Variants in SV2B observed in about 807,000 individuals in gnomAD.
SV2B encodes synaptic vesicle glycoprotein 2B.
SV2B carries 41 observed loss-of-function variants against 73.9 expected under a neutral mutation model. The ratio of observed to expected loss-of-function variants is 0.56; its 90% CI spans 0.43 to 0.72. SV2B has a LOEUF of 0.72. Ranked by LOEUF, SV2B falls within the 30% of genes least tolerant of loss-of-function variation. The pLI, the probability that SV2B is intolerant of heterozygous loss-of-function variation, is 0.00. For synonymous variants in SV2B, 314 were observed against 314.2 expected, an observed-to-expected ratio of 1.00 and a Z score of 0.01; for missense variants, 764 against 857.8, an observed-to-expected ratio of 0.89 and a Z score of 1.37.
chr15:91,117,990 A>G (rs924804890), intron 1 of SV2B, among the ~76,000 whole-genome samples: 1 of 152,210 alleles, frequency 6.6e-6, no homozygotes, highest in Non-Finnish European at 1.5e-5. Flanking sequence ...ATGACTTTCA[A>G]GAGGTATCAA....
At chr15:91,200,958 T>A (rs2045437803) in intron 1 of SV2B, among the ~76,000 whole-genome samples, 1 of 152,168 alleles carries the variant, frequency 6.6e-6, no homozygotes, top group African/African-American at 2.4e-5. Flanking sequence ...CTATTCTCCA[T>A]CTCTTTGTAC....
intron 1 of SV2B, among the ~76,000 whole-genome samples, chr15:91,182,008 C>T (rs2044598026): frequency 6.6e-6 from 1 of 152,036 alleles, no homozygotes; most frequent in Non-Finnish European, 1.5e-5. Flanking sequence ...GACAAGGAGA[C>T]ATTTTGCACT....
At chr15:91,254,303 C>T (rs1410874226) in intron 4 of SV2B, among the ~76,000 whole-genome samples, 1 of 146,020 alleles carries the variant, frequency 6.8e-6, no homozygotes, top group Non-Finnish European at 1.5e-5. Flanking sequence ...GTAGCATGAT[C>T]TCAGTTTACT....
intron 11 of SV2B, among the ~76,000 whole-genome samples, chr15:91,287,003 C>T (rs570352774): frequency 6.6e-6 from 1 of 152,302 alleles, no homozygotes; most frequent in African/African-American, 2.4e-5. Context: ...AGCCAAGCCC[C>T]ATGGCTGGCC....
intron 1 of SV2B, among the ~76,000 whole-genome samples, chr15:91,190,586 T>G (rs1188130219): frequency 2.0e-5 from 3 of 152,204 alleles, no homozygotes; most frequent in Non-Finnish European, 2.9e-5. Flanking sequence ...AATTTTCATT[T>G]TTGTTTCTTC....
Position 91,258,563 on chromosome 15 carries a change from G to A in SV2B, c.918+9G>A. The A allele has an allele frequency of 6.2e-7, 1 of 1,613,324 alleles. No homozygotes were observed. The highest frequency in any genetic ancestry group is 8.5e-7 in the Non-Finnish European group (1 of 1,179,720). ...CAAGGTTTCTGCTAGAGGTGAGTCAGTGCTTTTCCACCAGGGGGAGAGTGA... is the reference window on the plus strand; with the variant it reads ...CAAGGTTTCTGCTAGAGGTGAGTCAATGCTTTTCCACCAGGGGGAGAGTGA... On this transcript the variant is annotated intron_variant, in intron 5 of 12. Coordinates refer to ENST00000394232, the MANE Select transcript of SV2B (RefSeq NM_001323032.3). This position sits in a 1 kb window ranked among gnomAD's most constrained non-coding sequence, Gnocchi z 4.7.
rs766546831 is a variant in SV2B, at chr15:91,258,465, A to T, written c.829A>T (p.Arg277Ter). 6.2e-7 allele frequency: 1 copy of T among 1,614,080 alleles called. No homozygotes were observed. Reference sequence around the variant, plus strand: ...GACCAATTACCACTTCCATAGCTGGAGAGTGTTTGTCATCGTCTGTGCTCT... The same window carrying T: ...GACCAATTACCACTTCCATAGCTGGTGAGTGTTTGTCATCGTCTGTGCTCT... ...MGTNYHFHSWRVFVIVCALPC... is the reference protein window; with the variant it reads ...MGTNYHFHSW Residue 277 changes from arginine to a stop codon, truncating the protein, a stop_gained, in exon 5 of 13, where the codon AGA becomes TGA. Coordinates refer to ENST00000394232, the MANE Select transcript of SV2B (RefSeq NM_001323032.3). LOFTEE classifies it high-confidence loss of function. The surrounding 1 kb of genome is among the most constrained non-coding windows in gnomAD (Gnocchi z 4.7).
chr15:91,164,587 A>T (rs1331928306), intron 1 of SV2B, among the ~76,000 whole-genome samples: 1 of 152,234 alleles, frequency 6.6e-6, no homozygotes, highest in African/African-American at 2.4e-5. Context: ...CTTTACATTA[A>T]CATCTGGATT....
At chr15:91,163,386 T>C (rs2141255516) in intron 1 of SV2B, among the ~76,000 whole-genome samples, 1 of 152,332 alleles carries the variant, frequency 6.6e-6, no homozygotes, top group Non-Finnish European at 1.5e-5. Flanking sequence ...ACCAACAGTG[T>C]AAAAGTGTTC....
In SV2B at chr15:91,122,803, A is replaced by C. The variant is rs918046832; in HGVS notation, c.-392+22440A>C. ...CTCACTGATAAACGGAATCTAAAAA[A>C]GTTGAGCTCATCGAAGTAGAGAGTG... On this transcript the variant is annotated intron_variant, in intron 1 of 12. Coordinates refer to ENST00000394232, the MANE Select transcript of SV2B (RefSeq NM_001323032.3). This position sits in a 1 kb window ranked among gnomAD's most constrained non-coding sequence, Gnocchi z 4.3. 3.3e-5 allele frequency among the ~76,000 whole-genome samples: 5 copies of C among 152,218 alleles called. No homozygotes were observed. Among genetic ancestry groups the C allele is most frequent in the Non-Finnish European group, 7.3e-5 (5 of 68,044 alleles).
At chr15:91,182,703 G>A (rs139689002) in intron 1 of SV2B, among the ~76,000 whole-genome samples, 1 of 152,284 alleles carries the variant, frequency 6.6e-6, no homozygotes, top group Non-Finnish European at 1.5e-5. Flanking sequence ...TGTTCTTATG[G>A]CAGAAGTCAG....
rs907797634 is a variant in SV2B, at chr15:91,267,463, C to A, written c.1120-92C>A. The A allele has an allele frequency of 1.7e-6, 2 of 1,167,256 alleles. No homozygotes were observed. The highest frequency in any genetic ancestry group is 2.0e-5 in the Admixed American group (1 of 50,372). The allele number at this position is 1,167,256 out of a possible 1,614,324, so 72.3% of individuals were successfully genotyped here. ...GTTCTCTCCATGGGTTCCTAGGCAA[C>A]TTATTAGAATATCTGAGTAATGAGC... On this transcript the variant is annotated intron_variant, in intron 7 of 12. Coordinates refer to ENST00000394232, the MANE Select transcript of SV2B (RefSeq NM_001323032.3). The surrounding 1 kb of genome is among the most constrained non-coding windows in gnomAD (Gnocchi z 4.3).
chr15:91,158,842 C>T (rs569250377), intron 1 of SV2B, among the ~76,000 whole-genome samples: 4 of 151,104 alleles, frequency 2.6e-5, no homozygotes. Flanking sequence ...CACAATGTTA[C>T]CCCCAATCTC....
rs928938581 is a variant in SV2B at position 91,300,290 on chromosome 15, A to C, written c.*7738A>C. 6.6e-5 allele frequency: 10 copies of C among 152,256 alleles called. No individual in the cohort carries two copies. Among genetic ancestry groups the C allele is most frequent in the African/African-American group, 2.2e-4 (9 of 41,552 alleles). The allele number at this position is 152,256 out of a possible 1,614,324, so 9.4% of individuals were successfully genotyped here. On this transcript the variant is annotated 3_prime_UTR_variant, in exon 13 of 13. Coordinates refer to ENST00000394232, the MANE Select transcript of SV2B (RefSeq NM_001323032.3). ...AGATTTGGTCTCAGCTTTTTGGTCC[A>C]TCTGAATCCTGGAAGTCCCCAACTC...
At chr15:91,202,611 G>T (rs1375568607) in intron 1 of SV2B, among the ~76,000 whole-genome samples, 2 of 152,216 alleles carry the variant, frequency 1.3e-5, no homozygotes, top group Non-Finnish European at 2.9e-5. Flanking sequence ...TGGTACCTGT[G>T]CTACCTGGGT....
chr15:91,209,349 T>G (rs2045771934), intron 1 of SV2B, among the ~76,000 whole-genome samples: 1 of 152,116 alleles, frequency 6.6e-6, no homozygotes, highest in Non-Finnish European at 1.5e-5. Context: ...CTTGAACTCC[T>G]GACCTCAGGT....
intron 1 of SV2B, among the ~76,000 whole-genome samples, chr15:91,163,370 A>T (rs140720717): frequency 0.011 from 1,709 of 152,330 alleles, 32 homozygotes; most frequent in African/African-American, 0.039. Context: ...ACTAGTTTAC[A>T]GTCCCACCAA....
In SV2B at chr15:91,281,783, T is replaced by C; in HGVS notation, c.1429T>C (p.Cys477Arg). 1 of 1,613,242 alleles carries C rather than the reference T, an allele frequency of 6.2e-7. No homozygotes were observed. Among genetic ancestry groups the C allele is most frequent in the Non-Finnish European group, 8.5e-7 (1 of 1,179,496 alleles). ...VLFEDTFFDE[C>R]YFEDVTSTDT... ...CTTTGAGGACACATTCTTTGACGAGTGCTATTTTGAAGACGTAACATCAAC... is the reference window on the plus strand; with the variant it reads ...CTTTGAGGACACATTCTTTGACGAGCGCTATTTTGAAGACGTAACATCAAC... The change falls in exon 10 of 13, where the codon TGC becomes CGC. Residue 477 changes from cysteine (C) to arginine (R), a missense_variant. Cys to Arg is a radical substitution (Grantham distance 180). Transcript: ENST00000394232. This position sits in a 1 kb window ranked among gnomAD's most constrained non-coding sequence, Gnocchi z 4.7.
intron 1 of SV2B, among the ~76,000 whole-genome samples, chr15:91,187,660 GT>G (rs66704426): frequency 0.32 from 46,448 of 146,444 alleles, 7,888 homozygotes; most frequent in East Asian, 0.7. Flanking sequence ...TTTATGTTTT[GT>G]TTTTTTTTTT....
Sources: allele counts gnomAD v4.1 joint callset (sites outside exome capture counted in the v4.1 genomes callset), GRCh38; gene constraint gnomAD v4.1.1; non-coding constraint Gnocchi (gnomAD v3.1); transcripts MANE v1.5; gene names NCBI Gene and HGNC (gene_info 2026-07-23, HGNC 2026-07-21).